Variants in ACVR2A observed in about 807,000 individuals in gnomAD.
ACVR2A encodes activin A receptor type 2A.
A neutral mutation model predicts 61.4 loss-of-function variants in ACVR2A; 7 were observed. The observed-to-expected ratio is 0.11, with a 90% CI of 0.06 to 0.21. The LOEUF is 0.21. Among genes scored for constraint, ACVR2A ranks in the 10% least tolerant of loss-of-function variants. ACVR2A has a pLI of 1.00. For missense variants in ACVR2A, 322 were observed against 621.7 expected (o/e 0.52, Z 5.13); for synonymous variants, 193 against 208.3 (o/e 0.93, Z 0.63).
Position 147,917,381 on chromosome 2 carries a change from C to A in ACVR2A, c.771C>A (p.Thr257=). The change falls in exon 6 of 11, where the codon ACC becomes ACA. Residue 257 remains threonine (T), a synonymous_variant. Coordinates refer to ENST00000241416, the MANE Select transcript of ACVR2A (RefSeq NM_001616.5). ...TCATTGGTGCAGAAAAACGAGGCAC[C>A]AGTGTTGATGTGGATCTTTGGCTGA... ...LQFIGAEKRG[T]SVDVDLWLIT... is the part of the protein sequence containing the mutation. 6.2e-7 allele frequency: 1 copy of A among 1,612,294 alleles called. No individual in the cohort carries two copies. Among genetic ancestry groups the A allele is most frequent in the South Asian group, 1.1e-5 (1 of 90,980 alleles).
At chr2:147,852,139 A>G (rs913583237) in intron 1 of ACVR2A, among the ~76,000 whole-genome samples, 8 of 152,076 alleles carry the variant, frequency 5.3e-5, no homozygotes, top group Non-Finnish European at 7.4e-5. Context: ...AGGGGATCTT[A>G]GGTATCCTCA....
chr2:147,874,258 T>C (rs765735152), intron 1 of ACVR2A, among the ~76,000 whole-genome samples: 3 of 151,926 alleles, frequency 2.0e-5, no homozygotes, highest in Non-Finnish European at 4.4e-5. Flanking sequence ...TATCCAGGTC[T>C]CAGTTTTTTC....
intron 1 of ACVR2A, among the ~76,000 whole-genome samples, chr2:147,861,945 G>C (rs1402379876): frequency 6.7e-6 from 1 of 149,622 alleles, no homozygotes; most frequent in Non-Finnish European, 1.5e-5. Context: ...TGTTTCTGTT[G>C]ATCCTATTTG....
chr2:147,859,144 A>G (rs577636198), intron 1 of ACVR2A, among the ~76,000 whole-genome samples: 3 of 152,246 alleles, frequency 2.0e-5, no homozygotes, highest in East Asian at 1.9e-4. Context: ...TAGTCTAGCA[A>G]TACAACTTTG....
chr2:147,891,060 T>C (rs1686570729), intron 1 of ACVR2A, among the ~76,000 whole-genome samples: 1 of 152,170 alleles, frequency 6.6e-6, no homozygotes, highest in Non-Finnish European at 1.5e-5. Flanking sequence ...TTTTCTAGAC[T>C]AGGATGGCAA....
intron 4 of ACVR2A, among the ~76,000 whole-genome samples, chr2:147,913,492 A>C (rs903227075): frequency 2.0e-5 from 3 of 151,982 alleles, no homozygotes; most frequent in Non-Finnish European, 4.4e-5. Flanking sequence ...CAGTTATACA[A>C]TAACTCTTTG....
At chr2:147,905,558 G>T (rs1686969361) in intron 4 of ACVR2A, among the ~76,000 whole-genome samples, 2 of 151,396 alleles carry the variant, frequency 1.3e-5, no homozygotes, top group Admixed American at 6.6e-5. Flanking sequence ...GCATTCTTTT[G>T]TGTGTGTGTG....
intron 1 of ACVR2A, among the ~76,000 whole-genome samples, chr2:147,856,718 A>G (rs1388846565): frequency 2.0e-5 from 3 of 152,180 alleles, no homozygotes; most frequent in Non-Finnish European, 4.4e-5. Flanking sequence ...GGATATGGTA[A>G]TAGTAAAGCA....
rs760000303 is a variant in ACVR2A, at chr2:147,926,014, C to T, written c.1217-17C>T. On this transcript the variant is annotated splice_polypyrimidine_tract_variant and intron_variant, in intron 9 of 10. Coordinates refer to ENST00000241416, the MANE Select transcript of ACVR2A (RefSeq NM_001616.5). ...ATTTTAATGAAAATGATTTATTTTA[C>T]TTTTCTTACTTTTCAGGACCTGTAG... is the stretch of plus-strand genomic sequence containing the variant. The T allele has an allele frequency of 4.4e-6, 7 of 1,590,068 alleles. No homozygotes were observed. The Admixed American group carries it at 5.6e-5, about 13-fold the overall frequency.
rs561107833 is a variant in ACVR2A at position 147,915,316 on chromosome 2, C to G, written c.654C>G (p.Val218=). 1 of 1,611,806 alleles carries G rather than the reference C, an allele frequency of 6.2e-7. No homozygotes were observed. Among genetic ancestry groups the G allele is most frequent in the Non-Finnish European group, 8.5e-7 (1 of 1,178,440 alleles). ...AGTTGCTTAACGAATATGTGGCTGT[C>G]AAAATATTTCCAATACAGGTATGTT... is the stretch of plus-strand genomic sequence containing the variant. The part of the protein sequence containing the change: ...KAQLLNEYVA[V]KIFPIQDKQS... Residue 218 remains valine, a synonymous_variant, in exon 5 of 11, where the codon GTC becomes GTG. Transcript: ENST00000241416.
rs1354662169 is a variant in ACVR2A at position 147,923,089 on chromosome 2, T to G, written c.1194T>G (p.Ala398=). The G allele has an allele frequency of 3.7e-6, 6 of 1,612,420 alleles. No individual in the cohort carries two copies. The African/African-American group carries it at 8.0e-5, about 22-fold the overall frequency. Reference sequence around the variant, plus strand: ...TGGGATTAGTCCTATGGGAACTGGCTTCTCGCTGTACTGCTGCAGATGGTA... The same window carrying G: ...TGGGATTAGTCCTATGGGAACTGGCGTCTCGCTGTACTGCTGCAGATGGTA... ...YAMGLVLWEL[A]SRCTAADGPV... Residue 398 remains alanine, a synonymous_variant, in exon 9 of 11, where the codon GCT becomes GCG. Transcript: ENST00000241416.
intron 1 of ACVR2A, among the ~76,000 whole-genome samples, chr2:147,890,341 A>AGTGTGT (rs60514095): frequency 0.052 from 7,719 of 148,740 alleles, 263 homozygotes; most frequent in East Asian, 0.15. Flanking sequence ...CCATTAGTAT[A>AGTGTGT]GTGTGTGTGT....
At chr2:147,922,826 C>A in intron 8 of ACVR2A, 147 bp from the exon 9 acceptor site, 1 of 703,290 alleles carries the variant, frequency 1.4e-6, no homozygotes, top group Non-Finnish European at 2.3e-6. Context: ...TAAGTATACG[C>A]AGAAAGGATC....
chr2:147,845,727 C>T (rs910455497), intron 1 of ACVR2A, among the ~76,000 whole-genome samples: 1 of 152,136 alleles, frequency 6.6e-6, no homozygotes, highest in Admixed American at 6.5e-5. Context: ...ATCTGGGTCT[C>T]CCCTCACGTT....
chr2:147,904,922 C>T (rs1686952332), intron 4 of ACVR2A, among the ~76,000 whole-genome samples: 1 of 151,994 alleles, frequency 6.6e-6, no homozygotes. Context: ...CAAAATATTA[C>T]ATTCATAGAA....
chr2:147,927,022 T>C, intron 10 of ACVR2A, 58 bp from the exon 11 acceptor site: 1 of 1,525,960 alleles, frequency 6.6e-7, no homozygotes, highest in Non-Finnish European at 8.9e-7. Flanking sequence ...ATTTTATTGT[T>C]TCCTAATAGA....
At chr2:147,909,154 T>C (rs1469213) in intron 4 of ACVR2A, among the ~76,000 whole-genome samples, 151,491 of 152,264 alleles carry the variant, frequency 0.99, 75,367 homozygotes, top group Middle Eastern at 1. Context: ...TAACTGCTTC[T>C]CCCTAGTACT....
chr2:147,849,927 T>G (rs1685405064), intron 1 of ACVR2A, among the ~76,000 whole-genome samples: 1 of 152,196 alleles, frequency 6.6e-6, no homozygotes, highest in Admixed American at 6.5e-5. Context: ...TTTGTTGCAT[T>G]TTGACTTTTT....
chr2:147,858,820 A>G (rs539928028), intron 1 of ACVR2A, among the ~76,000 whole-genome samples: 1 of 152,212 alleles, frequency 6.6e-6, no homozygotes, highest in African/African-American at 2.4e-5. Context: ...ACTGTGTTCC[A>G]GTAAAACTTT....
Sources: gnomAD v4.1 joint callset for allele counts (sites outside exome capture counted in the v4.1 genomes callset) on GRCh38, gnomAD v4.1.1 for gene constraint, MANE v1.5 for transcripts, NCBI Gene and HGNC (gene_info 2026-07-23, HGNC 2026-07-21) for gene names.